The following SKAP2 variants were observed in gnomAD, a reference collection of about 807,000 sequenced individuals.
SKAP2 encodes src kinase-associated phosphoprotein 2.
Under a neutral mutation model 54.9 loss-of-function variants are expected in SKAP2, and 28 were observed. The ratio of observed to expected loss-of-function variants is 0.51; its 90% CI spans 0.38 to 0.70. The LOEUF is 0.70. SKAP2 is among the 30% of genes least tolerant of loss of function. The pLI, the probability that SKAP2 is intolerant of heterozygous loss-of-function variation, is 0.00. For synonymous variants in SKAP2, 137 were observed against 134.3 expected (o/e 1.02, Z -0.14); for missense variants, 356 against 424.1 (o/e 0.84, Z 1.41).
At chr7:26,848,683 T>C (rs1784977027) in intron 3 of SKAP2, among the ~76,000 whole-genome samples, 2 of 152,176 alleles carry the variant, frequency 1.3e-5, no homozygotes. Flanking sequence ...CTAATGAAAA[T>C]AAATTAATTT....
intron 4 of SKAP2, among the ~76,000 whole-genome samples, chr7:26,780,190 G>T (rs1252282989): frequency 6.6e-6 from 1 of 152,080 alleles, no homozygotes; most frequent in African/African-American, 2.4e-5. Context: ...GGCTCATAGA[G>T]TTGTATGGAT....
intron 4 of SKAP2, among the ~76,000 whole-genome samples, chr7:26,792,744 A>T (rs574579361): frequency 2.0e-4 from 30 of 152,292 alleles, no homozygotes; most frequent in African/African-American, 7.0e-4. Flanking sequence ...CAATTAAATG[A>T]TTTCCCTGCA....
intron 3 of SKAP2, among the ~76,000 whole-genome samples, chr7:26,850,872 T>C (rs2127997675): frequency 6.6e-6 from 1 of 152,196 alleles, no homozygotes; most frequent in Non-Finnish European, 1.5e-5. Flanking sequence ...GACTTGCACA[T>C]GTAAAGATAA....
At chr7:26,844,249 T>C in intron 3 of SKAP2, 112 bp from the exon 4 acceptor site, 2 of 634,616 alleles carry the variant, frequency 3.2e-6, no homozygotes, top group Non-Finnish European at 2.8e-6. Context: ...TACTAGTAAA[T>C]TGAGTCATTG....
intron 4 of SKAP2, among the ~76,000 whole-genome samples, chr7:26,811,737 A>G (rs1006171530): frequency 6.6e-6 from 1 of 152,210 alleles, no homozygotes; most frequent in Admixed American, 6.5e-5. Context: ...AAGCTATTAA[A>G]AGAGAAGAAA....
chr7:26,679,783 C>G (rs1786446229), intron 11 of SKAP2, among the ~76,000 whole-genome samples: 1 of 152,156 alleles, frequency 6.6e-6, no homozygotes. Flanking sequence ...CCAAAAAAAG[C>G]CATAGTAACT....
intron 1 of SKAP2, chr7:26,857,819 T>C (rs1377418177): frequency 2.5e-6 from 2 of 810,446 alleles, no homozygotes; most frequent in Non-Finnish European, 3.0e-6. Context: ...CTCTGGCTGG[T>C]TGGAGAAGAG....
At chr7:26,678,630 G>A (rs147843718) in intron 11 of SKAP2, among the ~76,000 whole-genome samples, 4 of 151,864 alleles carry the variant, frequency 2.6e-5, no homozygotes, top group African/African-American at 7.2e-5. Flanking sequence ...TAGTAGAGAC[G>A]GGGTTTCACC....
At chr7:26,762,083 C>T (rs1782944735) in intron 4 of SKAP2, among the ~76,000 whole-genome samples, 1 of 152,050 alleles carries the variant, frequency 6.6e-6, no homozygotes, top group Non-Finnish European at 1.5e-5. Context: ...AGTGACATTT[C>T]CCTGGTACAT....
chr7:26,698,339 G>A (rs1786940893), intron 9 of SKAP2, among the ~76,000 whole-genome samples: 1 of 152,160 alleles, frequency 6.6e-6, no homozygotes, highest in South Asian at 2.1e-4. Context: ...AGGGTGGAGG[G>A]TCTGTGGGGT....
intron 4 of SKAP2, among the ~76,000 whole-genome samples, chr7:26,759,699 T>C (rs984154093): frequency 2.6e-5 from 4 of 152,182 alleles, no homozygotes; most frequent in Non-Finnish European, 5.9e-5. Flanking sequence ...AAGCTCACCC[T>C]CCTTGGGAAA....
intron 4 of SKAP2, among the ~76,000 whole-genome samples, chr7:26,754,779 C>T (rs918278799): frequency 1.3e-5 from 2 of 152,180 alleles, no homozygotes; most frequent in Non-Finnish European, 2.9e-5. Context: ...TTCAGTGCTC[C>T]CTCATTTGCC....
intron 9 of SKAP2, among the ~76,000 whole-genome samples, chr7:26,717,831 C>CA (rs962785014): frequency 1.4e-4 from 20 of 147,540 alleles, no homozygotes; most frequent in African/African-American, 4.2e-4. Context: ...GACCCTGTCT[C>CA]AAAAAAAATA....
At chr7:26,811,176 G>A (rs976096763) in intron 4 of SKAP2, among the ~76,000 whole-genome samples, 6 of 151,956 alleles carry the variant, frequency 3.9e-5, no homozygotes, top group African/African-American at 1.5e-4. Context: ...AAGATTGTAG[G>A]CTTTGGAGAA....
intron 11 of SKAP2, among the ~76,000 whole-genome samples, chr7:26,671,858 T>C (rs1786251429): frequency 6.6e-6 from 1 of 151,972 alleles, no homozygotes; most frequent in African/African-American, 2.4e-5. Context: ...AACGATTATA[T>C]CTTAATAGGT....
At chr7:26,768,403 C>T (rs1019320854) in intron 4 of SKAP2, among the ~76,000 whole-genome samples, 2 of 151,544 alleles carry the variant, frequency 1.3e-5, no homozygotes, top group Non-Finnish European at 2.9e-5. Context: ...TGGGTCTTGA[C>T]TCTTTATACA....
At chr7:26,799,474 T>TATA (rs1783863564) in intron 4 of SKAP2, among the ~76,000 whole-genome samples, 1 of 152,184 alleles carries the variant, frequency 6.6e-6, no homozygotes, top group South Asian at 2.1e-4. Context: ...AAGGTCACTA[T>TATA]ATAATGATAA....
intron 4 of SKAP2, among the ~76,000 whole-genome samples, chr7:26,746,030 A>G (rs1782553674): frequency 6.6e-6 from 1 of 152,154 alleles, no homozygotes; most frequent in Admixed American, 6.6e-5. Flanking sequence ...ATACATTTTC[A>G]GGTGCCAGTA....
chr7:26,860,048 T>C (rs1192952429), intron 1 of SKAP2, among the ~76,000 whole-genome samples: 1 of 152,182 alleles, frequency 6.6e-6, no homozygotes, highest in Non-Finnish European at 1.5e-5. Flanking sequence ...TAGTAATACT[T>C]TAATGCTGGT....
Sources: gnomAD v4.1 joint callset for allele counts (sites outside exome capture counted in the v4.1 genomes callset) on GRCh38, gnomAD v4.1.1 for gene constraint, MANE v1.5 for transcripts, NCBI Gene and HGNC (gene_info 2026-07-23, HGNC 2026-07-21) for gene names.